The following VPS13B variants were observed in gnomAD, a reference collection of about 807,000 sequenced individuals.
VPS13B encodes vacuolar protein sorting 13 homolog B, also known as intermembrane lipid transfer protein VPS13B.
VPS13B carries 285 observed loss-of-function variants against 426.4 expected under a neutral mutation model. The observed-to-expected ratio is 0.67, with a 90% CI of 0.61 to 0.74. The LOEUF is 0.74. Ranked by LOEUF, VPS13B falls within the 30% of genes least tolerant of loss-of-function variation. The probability of loss-of-function intolerance (pLI) is 0.00; values close to 1 mark genes in which losing one functional copy is unlikely to be tolerated. For missense variants in VPS13B, 4,537 were observed against 4,782.6 expected (o/e 0.95, Z 1.51); for synonymous variants, 1,676 against 1,676.4 (o/e 1.00, Z 0.01).
At chr8:99,399,056 A>G (rs577387685) in intron 21 of VPS13B, among the ~76,000 whole-genome samples, 2 of 152,244 alleles carry the variant, frequency 1.3e-5, no homozygotes, top group South Asian at 2.1e-4. Context: ...ATAATATGCA[A>G]TTTATTTTAT....
At chr8:99,627,930 A>G (rs543670647) in intron 33 of VPS13B, among the ~76,000 whole-genome samples, 7 of 152,246 alleles carry the variant, frequency 4.6e-5, no homozygotes, top group Admixed American at 3.9e-4. Flanking sequence ...GCACCCCTCA[A>G]CCACTGTTCC....
Position 99,434,097 on chromosome 8 carries a change from T to C in VPS13B, c.3210+2433T>C, listed in dbSNP as rs1286716383. Among the ~76,000 whole-genome samples the C allele has an allele frequency of 3.3e-5, 5 of 152,306 alleles. No individual in the cohort carries two copies. In the East Asian group the frequency reaches 9.6e-4, roughly 29 times the overall value. On this transcript the variant is annotated intron_variant, in intron 22 of 61. Transcript: ENST00000357162. ...TGCTGAGATTACAGGTGTGAGCCAC[T>C]GCACTCAGCCCTAGTTAAATTTAAC...
intron 21 of VPS13B, among the ~76,000 whole-genome samples, chr8:99,415,280 T>G (rs935977465): frequency 6.6e-6 from 1 of 151,964 alleles, no homozygotes; most frequent in South Asian, 2.1e-4. Context: ...TTTATGTTCT[T>G]CTCTAAACTG....
intron 25 of VPS13B, among the ~76,000 whole-genome samples, chr8:99,493,728 G>A (rs1820736999): frequency 6.8e-6 from 1 of 147,988 alleles, no homozygotes; most frequent in Non-Finnish European, 1.5e-5. Flanking sequence ...GTTGCAGTGA[G>A]CTGAGATCGT....
At chr8:99,630,928 C>T (rs978415846) in intron 33 of VPS13B, among the ~76,000 whole-genome samples, 1 of 151,924 alleles carries the variant, frequency 6.6e-6, no homozygotes, top group African/African-American at 2.4e-5. Flanking sequence ...GAAGGAATGA[C>T]CAATAGTATT....
At chr8:99,326,317 A>G (rs148571962) in intron 19 of VPS13B, among the ~76,000 whole-genome samples, 3 of 152,154 alleles carry the variant, frequency 2.0e-5, no homozygotes, top group East Asian at 1.9e-4. Context: ...TTTCCCAACT[A>G]TATTCTAAGC....
In VPS13B at chr8:99,013,334, C is replaced by A; in HGVS notation, c.-43C>A. On this transcript the variant is annotated 5_prime_UTR_variant, in exon 1 of 62. Coordinates refer to ENST00000357162, the MANE Select transcript of VPS13B (RefSeq NM_152564.5). ...GGACTTGGAGGTGGAGGGGACGCGG[C>A]GGTACTCTGGCGTGTGAGCCGAGGG... 3.9e-6 allele frequency: 1 copy of A among 254,390 alleles called. No homozygotes were observed. Among genetic ancestry groups the A allele is most frequent in the Non-Finnish European group, 7.8e-6 (1 of 128,560 alleles). 15.8% of individuals were successfully genotyped at this position (254,390 alleles called of 1,614,324 possible). A position where few individuals can be genotyped will look rare whatever the true frequency, so the allele number is the denominator to read the frequency against.
At chr8:99,361,300 C>T (rs564637380) in intron 19 of VPS13B, among the ~76,000 whole-genome samples, 8 of 152,128 alleles carry the variant, frequency 5.3e-5, no homozygotes, top group Non-Finnish European at 1.0e-4. Flanking sequence ...AGAAACCATA[C>T]CTTGTCAAAT....
chr8:99,737,106 CTTTTTTTTTTTTTTT>C (rs386413466), intron 39 of VPS13B, among the ~76,000 whole-genome samples: 1,355 of 44,476 alleles, frequency 0.03, 46 homozygotes, highest in African/African-American at 0.1. Context: ...AGATGTCCTT[CTTTTTTTTTTTTTTT>C]TTTTTTTTTT....
At chr8:99,233,452 G>T in intron 17 of VPS13B, 1 of 1,339,136 alleles carries the variant, frequency 7.5e-7, no homozygotes, top group Non-Finnish European at 1.1e-6. Context: ...CCCGATGATG[G>T]TACCCACAGC....
At chr8:99,057,221 T>C (rs1488767646) in intron 3 of VPS13B, among the ~76,000 whole-genome samples, 1 of 152,128 alleles carries the variant, frequency 6.6e-6, no homozygotes. Flanking sequence ...TATGCCTTTC[T>C]ACCCTTTTTA....
chr8:99,659,533 T>C (rs149131022), intron 34 of VPS13B, among the ~76,000 whole-genome samples: 30 of 152,336 alleles, frequency 2.0e-4, no homozygotes, highest in African/African-American at 7.2e-4. Context: ...GGATAGTTAA[T>C]GCACGTTACC....
At chr8:99,566,881 A>G (rs932375494) in intron 31 of VPS13B, among the ~76,000 whole-genome samples, 3 of 152,236 alleles carry the variant, frequency 2.0e-5, no homozygotes, top group African/African-American at 7.2e-5. Flanking sequence ...CTGGTACAAC[A>G]GTACATACTA....
intron 17 of VPS13B, among the ~76,000 whole-genome samples, chr8:99,264,137 C>G (rs1818184532): frequency 6.6e-6 from 1 of 151,736 alleles, no homozygotes; most frequent in Admixed American, 6.6e-5. Context: ...TTAATTCCCT[C>G]AAACTCTGAC....
chr8:99,202,756 G>T (rs961263165), intron 17 of VPS13B, among the ~76,000 whole-genome samples: 1 of 152,080 alleles, frequency 6.6e-6, no homozygotes, highest in South Asian at 2.1e-4. Flanking sequence ...AAAAATGGGC[G>T]TGGTGGCTCA....
rs1817209374 is a variant in VPS13B, at chr8:99,868,356, A to C, written c.11283A>C (p.Ser3761=). 17 of 1,614,196 alleles carry C rather than the reference A, an allele frequency of 1.1e-5. No individual in the cohort carries two copies. Among genetic ancestry groups the C allele is most frequent in the Non-Finnish European group, 1.3e-5 (15 of 1,180,030 alleles). ...NFQKTSEAQA[S]AGHKAKGVIS... Reference sequence around the variant, plus strand: ...AGAAAACATCTGAGGCACAGGCTTCAGCAGGACACAAGGCCAAGGGTGTCA... The same window carrying C: ...AGAAAACATCTGAGGCACAGGCTTCCGCAGGACACAAGGCCAAGGGTGTCA... The change falls in exon 59 of 62, where the codon TCA becomes TCC. Residue 3761 remains serine (S), a synonymous_variant. Coordinates refer to ENST00000357162, the MANE Select transcript of VPS13B (RefSeq NM_152564.5).
intron 37 of VPS13B, among the ~76,000 whole-genome samples, chr8:99,718,803 A>G (rs902063637): frequency 1.3e-5 from 2 of 151,828 alleles, no homozygotes; most frequent in African/African-American, 4.8e-5. Context: ...AGTACCCAGG[A>G]CCACAAGCAT....
intron 19 of VPS13B, among the ~76,000 whole-genome samples, chr8:99,379,798 T>C (rs1275262010): frequency 6.6e-6 from 1 of 152,186 alleles, no homozygotes; most frequent in African/African-American, 2.4e-5. Flanking sequence ...GGTATTTATA[T>C]GATATTAGTT....
At chr8:99,082,653 G>A (rs1845549429) in intron 3 of VPS13B, among the ~76,000 whole-genome samples, 1 of 152,166 alleles carries the variant, frequency 6.6e-6, no homozygotes, top group Admixed American at 6.5e-5. Flanking sequence ...GTGTAAGGAA[G>A]GGATCCAGTT....
Sources: allele counts gnomAD v4.1 joint callset (sites outside exome capture counted in the v4.1 genomes callset), GRCh38; gene constraint gnomAD v4.1.1; transcripts MANE v1.5; gene names NCBI Gene and HGNC (gene_info 2026-07-23, HGNC 2026-07-21).